Variants in TBX5 observed in about 807,000 individuals in gnomAD.
TBX5 encodes T-box transcription factor TBX5.
TBX5 carries 8 observed loss-of-function variants against 51.1 expected under a neutral mutation model. The observed-to-expected ratio is 0.16, with a 90% CI of 0.09 to 0.28. TBX5 has a LOEUF of 0.28. Among genes scored for constraint, TBX5 ranks in the 10% least tolerant of loss-of-function variants. The pLI is 1.00. For missense variants in TBX5, 589 were observed against 671.7 expected (o/e 0.88, Z 1.36); for synonymous variants, 302 against 266.4 (o/e 1.13, Z -1.30).
At chr12:114,408,178 C>T (rs985905532), upstream of TBX5, 58 of 985,392 alleles carry the variant, frequency 5.9e-5, no homozygotes, top group Non-Finnish European at 6.9e-5. Flanking sequence ...AATTTCTCTC[C>T]GTCTTCGCCT....
chr12:114,389,397 C>T (rs1871021162), intron 6 of TBX5, among the ~76,000 whole-genome samples: 1 of 152,112 alleles, frequency 6.6e-6, no homozygotes, highest in Admixed American at 6.5e-5. Flanking sequence ...TGAAATTTCA[C>T]CCAGTTGACC....
rs1015382648 is a variant in TBX5 at position 114,355,639 on chromosome 12, G to A, written c.1450C>T (p.Pro484Ser). The A allele has an allele frequency of 6.2e-7, 1 of 1,614,176 alleles. No individual in the cohort carries two copies. The highest frequency in any genetic ancestry group is 8.5e-7 in the Non-Finnish European group (1 of 1,180,030). The change falls in exon 9 of 9, where the codon CCC becomes TCC. Residue 484 changes from proline (P) to serine (S), a missense_variant. Physicochemically the swap from Pro to Ser is moderately conservative, Grantham distance 74 (BLOSUM62 -1). Coordinates refer to ENST00000405440, the MANE Select transcript of TBX5 (RefSeq NM_181486.4). The part of the protein sequence containing the change: ...TGLQSPGTLQ[P>S]PEFLYSHGVP... ...CCATGAGAGTAGAGGAACTCAGGGG[G>A]CTGAAGGGTGCCAGGGGACTGCAGG...
intron 8 of TBX5, among the ~76,000 whole-genome samples, chr12:114,363,909 A>G (rs764305130): frequency 1.5e-4 from 23 of 152,212 alleles, no homozygotes; most frequent in Non-Finnish European, 3.1e-4. Flanking sequence ...CTCATGCCTA[A>G]AGAGGCAGAC....
chr12:114,399,691 C>T, intron 3 of TBX5, 59 bp from the exon 4 acceptor site: 1 of 1,612,540 alleles, frequency 6.2e-7, no homozygotes, highest in East Asian at 2.2e-5. Context: ...TATTTTAAGG[C>T]AGCCTCCATC....
chr12:114,356,374 A>C (rs1188997157), intron 8 of TBX5, among the ~76,000 whole-genome samples: 1 of 152,192 alleles, frequency 6.6e-6, no homozygotes, highest in Non-Finnish European at 1.5e-5. Context: ...TACAAAGGGC[A>C]GTGTTGAGAA....
At chr12:114,401,115 C>A (rs958870451) in intron 3 of TBX5, among the ~76,000 whole-genome samples, 1 of 152,194 alleles carries the variant, frequency 6.6e-6, no homozygotes, top group Admixed American at 6.5e-5. Flanking sequence ...CACTGACATA[C>A]AGAGCTGCAC....
chr12:114,398,448 GA>G, intron 5 of TBX5, 124 bp downstream of exon 5: 1 of 1,384,472 alleles, frequency 7.2e-7, no homozygotes, highest in Non-Finnish European at 1.0e-6. Context: ...GAAAGTGGGG[GA>G]AAATGGAGGA....
At chr12:114,374,486 T>C (rs1227848866) in intron 7 of TBX5, among the ~76,000 whole-genome samples, 5 of 152,248 alleles carry the variant, frequency 3.3e-5, no homozygotes, top group Non-Finnish European at 7.4e-5. Context: ...GAGAAAGAAG[T>C]CTTCCACAAA....
At chr12:114,387,033 G>T (rs950925313) in intron 6 of TBX5, among the ~76,000 whole-genome samples, 3 of 148,728 alleles carry the variant, frequency 2.0e-5, no homozygotes, top group African/African-American at 7.5e-5. Context: ...TTGAACCCAG[G>T]CGGCAGAGAT....
At chr12:114,383,174 G>A (rs555886027) in intron 7 of TBX5, among the ~76,000 whole-genome samples, 1 of 152,186 alleles carries the variant, frequency 6.6e-6, no homozygotes, top group East Asian at 1.9e-4. Flanking sequence ...AAGTTTGAGG[G>A]GCTGATTCCC....
At chr12:114,384,608 T>C (rs1466635508) in intron 7 of TBX5, among the ~76,000 whole-genome samples, 1 of 152,092 alleles carries the variant, frequency 6.6e-6, no homozygotes, top group Non-Finnish European at 1.5e-5. Context: ...TATCTGTCTA[T>C]CTGCCTGACT....
Position 114,370,268 on chromosome 12 carries a change from G to T in TBX5, c.756-3877C>A, listed in dbSNP as rs904323671. Among the ~76,000 whole-genome samples the T allele has an allele frequency of 2.5e-4, 16 of 63,454 alleles. No homozygotes were observed. The East Asian group carries it at 6.9e-3, about 27-fold the overall frequency. 41.6% of individuals were successfully genotyped at this position (63,454 alleles called of 152,430 possible). ...GAAAAGAAAAGAAAAGAAAAGAAAA[G>T]AAAAGAAAAGAAAAGAAAAGAAAGA... On this transcript the variant is annotated intron_variant, in intron 7 of 8. Coordinates refer to ENST00000405440, the MANE Select transcript of TBX5 (RefSeq NM_181486.4).
chr12:114,397,873 G>T (rs560103315), intron 5 of TBX5, among the ~76,000 whole-genome samples: 11 of 152,214 alleles, frequency 7.2e-5, no homozygotes, highest in Non-Finnish European at 1.5e-4. Flanking sequence ...AAAAGAGGGG[G>T]CAGGTGAGCT....
rs1400168801 is a variant in TBX5, at chr12:114,399,606, T to C, written c.269A>G (p.Lys90Arg). The C allele has an allele frequency of 1.9e-6, 3 of 1,614,016 alleles. No homozygotes were observed. The highest frequency in any genetic ancestry group is 2.5e-6 in the Non-Finnish European group (3 of 1,180,036). ...CGTTTTGGGATTAAGGCCCGTCACCTTCACTTTGTAACTGGGAAACATCCG... is the reference window on the plus strand; with the variant it reads ...CGTTTTGGGATTAAGGCCCGTCACCCTCACTTTGTAACTGGGAAACATCCG... ...GRRMFPSYKV[K>R]VTGLNPKTKY... Residue 90 changes from lysine (K) to arginine (R), a missense_variant, in exon 4 of 9, where the codon AAG (lysine) becomes AGG (arginine). By Grantham distance (26) the Lys-to-Arg change is conservative. Transcript: ENST00000405440.
chr12:114,370,974 T>C (rs1366591146), intron 7 of TBX5, among the ~76,000 whole-genome samples: 4 of 151,882 alleles, frequency 2.6e-5, no homozygotes, highest in Admixed American at 2.6e-4. Context: ...AGGGGAATGG[T>C]GGAACGGGGA....
At chr12:114,396,664 TC>T (rs1871450734) in intron 5 of TBX5, among the ~76,000 whole-genome samples, 1 of 152,038 alleles carries the variant, frequency 6.6e-6, no homozygotes, top group African/African-American at 2.4e-5. Context: ...TGGGGAACCG[TC>T]CCACTTCCCA....
At chr12:114,374,799 A>G (rs1049037035) in intron 7 of TBX5, among the ~76,000 whole-genome samples, 1 of 152,194 alleles carries the variant, frequency 6.6e-6, no homozygotes, top group African/African-American at 2.4e-5. Flanking sequence ...GTCCTAGTTA[A>G]TGATGTGCAC....
intron 7 of TBX5, among the ~76,000 whole-genome samples, 182 bp downstream of exon 7, chr12:114,385,294 G>A (rs372551063): frequency 7.9e-5 from 12 of 152,116 alleles, no homozygotes; most frequent in South Asian, 2.1e-4. Flanking sequence ...GCCCAATGGC[G>A]CCAACCACAT....
chr12:114,383,466 A>G (rs1247973), intron 7 of TBX5, among the ~76,000 whole-genome samples: 95,505 of 152,038 alleles, frequency 0.63, 30,402 homozygotes, highest in Admixed American at 0.75. Flanking sequence ...TGGGAAGGTC[A>G]TGGCTAACCA....
Sources: gnomAD v4.1 joint callset for allele counts (sites outside exome capture counted in the v4.1 genomes callset) on GRCh38, gnomAD v4.1.1 for gene constraint, MANE v1.5 for transcripts, NCBI Gene and HGNC (gene_info 2026-07-23, HGNC 2026-07-21) for gene names.